Variants in RBFOX1 observed in about 807,000 individuals in gnomAD.
RBFOX1 encodes RNA binding protein fox-1 homolog 1.
Under a neutral mutation model 57.7 loss-of-function variants are expected in RBFOX1, and 8 were observed. The ratio of observed to expected loss-of-function variants is 0.14; its 90% CI spans 0.08 to 0.25. The LOEUF (loss-of-function observed/expected upper bound fraction) is 0.25, where lower values mean the gene tolerates loss of function less well. Among genes scored for constraint, RBFOX1 ranks in the 10% least tolerant of loss-of-function variants. RBFOX1 has a pLI of 1.00. For synonymous variants in RBFOX1, 326 were observed against 222.4 expected, an observed-to-expected ratio of 1.47 and a Z score of -4.15; for missense variants, 611 against 548.5, an observed-to-expected ratio of 1.11 and a Z score of -1.14.
chr16:6,348,136 G>A (rs1235979000), intron 2 of RBFOX1, among the ~76,000 whole-genome samples: 1 of 152,136 alleles, frequency 6.6e-6, no homozygotes, highest in Non-Finnish European at 1.5e-5. Flanking sequence ...GTGGTTTGAG[G>A]TCTTTGCTCT....
At position 7,454,688 on chromosome 16, in the gene RBFOX1, TG is replaced by T. The variant is rs148158837; in HGVS notation, c.28-63457del. 6.7e-3 allele frequency among the ~76,000 whole-genome samples: 1,022 copies of T among 152,252 alleles called. 10 individuals are homozygous for T. Among genetic ancestry groups the T allele is most frequent in the African/African-American group, 0.023 (956 of 41,556 alleles). The stretch of plus-strand genomic sequence containing the variant: ...GGATAGAACTTGAGAAGGAATATGG[TG>T]GAGGAATGAGTTTTTATCTAAGCCA... On this transcript the variant is annotated intron_variant, in intron 4 of 15. Transcript: ENST00000550418.
intron 8 of RBFOX1, among the ~76,000 whole-genome samples, chr16:7,596,441 C>T (rs2094705227): frequency 6.6e-6 from 1 of 151,836 alleles, no homozygotes; most frequent in Non-Finnish European, 1.5e-5. Flanking sequence ...TTCATTTTCC[C>T]CTTCGACGAT....
At chr16:7,087,636 C>T (rs1231034513) in intron 4 of RBFOX1, among the ~76,000 whole-genome samples, 2 of 151,972 alleles carry the variant, frequency 1.3e-5, no homozygotes, top group Admixed American at 1.3e-4. Flanking sequence ...CAAGTCACAT[C>T]ACATACAGTG....
intron 10 of RBFOX1, among the ~76,000 whole-genome samples, chr16:7,618,309 C>G (rs376213410): frequency 6.6e-6 from 1 of 152,162 alleles, no homozygotes; most frequent in African/African-American, 2.4e-5. Flanking sequence ...CACTGAGTAA[C>G]AGTCTTATAA....
At chr16:5,368,898 G>C (rs1368638546) in intron 1 of RBFOX1, among the ~76,000 whole-genome samples, 1 of 152,192 alleles carries the variant, frequency 6.6e-6, no homozygotes, top group Non-Finnish European at 1.5e-5. Flanking sequence ...TGTGATATGA[G>C]TTAGGTTTTC....
At chr16:6,230,532 G>A (rs1357415449) in intron 1 of RBFOX1, among the ~76,000 whole-genome samples, 1 of 152,064 alleles carries the variant, frequency 6.6e-6, no homozygotes, top group Non-Finnish European at 1.5e-5. Flanking sequence ...AAGCCTAGAG[G>A]CTTAAAACCA....
chr16:5,418,084 C>T (rs1027589658), intron 1 of RBFOX1, among the ~76,000 whole-genome samples: 1 of 151,026 alleles, frequency 6.6e-6, no homozygotes, highest in African/African-American at 2.5e-5. Context: ...TCCATCTCAA[C>T]AACAACAACA....
At chr16:7,140,478 T>C (rs1442826008) in intron 4 of RBFOX1, among the ~76,000 whole-genome samples, 2 of 152,102 alleles carry the variant, frequency 1.3e-5, no homozygotes, top group Non-Finnish European at 2.9e-5. Flanking sequence ...AATGATTTCT[T>C]CAATTTATTG....
chr16:5,279,941 C>A (rs983280107), intron 1 of RBFOX1, among the ~76,000 whole-genome samples: 4 of 152,150 alleles, frequency 2.6e-5, no homozygotes, highest in African/African-American at 9.7e-5. Context: ...TTTATCTTGT[C>A]TGATCACTCT....
In RBFOX1 at chr16:6,602,024, C is replaced by T. The variant is rs541067888; in HGVS notation, c.-63-52579C>T. Among the ~76,000 whole-genome samples, 45 of 152,242 alleles carry T rather than the reference C, an allele frequency of 3.0e-4. 1 individual carries two copies. The South Asian group carries it at 9.1e-3, about 31-fold the overall frequency. ...GATGGAGGAATGAAGTACCTAGAAG[C>T]AGCTTGGTAGGAGAACAAAGGCGTC... On this transcript the variant is annotated intron_variant, in intron 2 of 15. Coordinates refer to ENST00000550418, the MANE Select transcript of RBFOX1 (RefSeq NM_018723.4).
intron 2 of RBFOX1, among the ~76,000 whole-genome samples, chr16:5,596,030 G>A (rs537688625): frequency 7.2e-5 from 11 of 152,244 alleles, no homozygotes; most frequent in African/African-American, 1.9e-4. Context: ...ACGGAAGTGC[G>A]GCACAATGAG....
chr16:6,855,517 A>G (rs544825226), intron 3 of RBFOX1, among the ~76,000 whole-genome samples: 1 of 151,998 alleles, frequency 6.6e-6, no homozygotes, highest in African/African-American at 2.4e-5. Flanking sequence ...GCTGGGGGCG[A>G]TGGCAGGTGC....
intron 1 of RBFOX1, among the ~76,000 whole-genome samples, chr16:5,301,031 A>G (rs2063789180): frequency 6.6e-6 from 1 of 152,084 alleles, no homozygotes; most frequent in African/African-American, 2.4e-5. Flanking sequence ...CTTGATATCC[A>G]CATCCTTGTG....
At chr16:6,635,806 G>C (rs190850858) in intron 2 of RBFOX1, among the ~76,000 whole-genome samples, 152 of 152,126 alleles carry the variant, frequency 1.0e-3, no homozygotes, top group African/African-American at 3.0e-3. Flanking sequence ...TTAGGGTTTA[G>C]GTCACTATCA....
At chr16:6,636,859 AAT>A (rs2098440212) in intron 2 of RBFOX1, among the ~76,000 whole-genome samples, 1 of 118,134 alleles carries the variant, frequency 8.5e-6, no homozygotes, top group Non-Finnish European at 1.7e-5. Context: ...TATAATATAT[AAT>A]ATATATTATA....
chr16:7,300,862 C>T (rs952030027), intron 4 of RBFOX1, among the ~76,000 whole-genome samples: 2 of 152,154 alleles, frequency 1.3e-5, no homozygotes, highest in Admixed American at 6.5e-5. Flanking sequence ...TTTCAGCTTC[C>T]TGTGGGGTAT....
chr16:7,312,738 G>T (rs1026780460), intron 4 of RBFOX1, among the ~76,000 whole-genome samples: 26 of 152,302 alleles, frequency 1.7e-4, no homozygotes, highest in African/African-American at 6.3e-4. Flanking sequence ...ACTTTCAAAA[G>T]CTGACAGAAT....
chr16:6,941,252 C>A (rs990868777), intron 3 of RBFOX1, among the ~76,000 whole-genome samples: 2 of 133,822 alleles, frequency 1.5e-5, no homozygotes, highest in African/African-American at 5.4e-5. Flanking sequence ...CCTCCCATTC[C>A]CTCCCTCCCA....
chr16:7,404,047 T>TATTTTATTTTATTTTATTTC, intron 4 of RBFOX1, among the ~76,000 whole-genome samples: 1 of 148,766 alleles, frequency 6.7e-6, no homozygotes, highest in Non-Finnish European at 1.5e-5. Flanking sequence ...TATTTTATTT[T>TATTTTATTTTATTTTATTTC]ATTTTATTTT....
Sources: allele counts gnomAD v4.1 joint callset (sites outside exome capture counted in the v4.1 genomes callset), GRCh38; gene constraint gnomAD v4.1.1; transcripts MANE v1.5; gene names NCBI Gene and HGNC (gene_info 2026-07-23, HGNC 2026-07-21).